The following CDK11A variants were observed in gnomAD, a reference collection of about 807,000 sequenced individuals.
CDK11A encodes cyclin-dependent kinase 11A.
In CDK11A, 55 loss-of-function variants were observed where a neutral mutation model predicts 83.6. That is an observed-to-expected ratio of 0.66 (90% CI 0.53 to 0.82). The LOEUF (loss-of-function observed/expected upper bound fraction) is 0.82, where lower values mean the gene tolerates loss of function less well. Among genes scored for constraint, CDK11A ranks in the 40% least tolerant of loss-of-function variants. The pLI is 0.00. For missense variants in CDK11A, 564 were observed against 810.1 expected (o/e 0.70, Z 3.69); for synonymous variants, 247 against 302.7 (o/e 0.82, Z 1.91).
Position 1,702,442 on chromosome 1 carries a change from C to G in CDK11A, c.*465G>C, listed in dbSNP as rs1187963652. ...TCAACAACCTTGTATAAAAACCTGT[C>G]GAGTCTGCTGGCACAGCTGGGGCTG... On this transcript the variant is annotated 3_prime_UTR_variant, in exon 20 of 20. Coordinates refer to ENST00000404249, the MANE Select transcript of CDK11A (RefSeq NM_024011.4). Among the ~76,000 whole-genome samples, 1 of 115,486 alleles carries G rather than the reference C, an allele frequency of 8.7e-6. No homozygotes were observed. The highest frequency in any genetic ancestry group is 3.0e-5 in the African/African-American group (1 of 33,754). 75.8% of individuals were successfully genotyped at this position (115,486 alleles called of 152,430 possible). A position where few individuals can be genotyped will look rare whatever the true frequency, so the allele number is the denominator to read the frequency against.
At chr1:1,710,351 A>AAAAC in intron 6 of CDK11A, among the ~76,000 whole-genome samples, 1 of 34,342 alleles carries the variant, frequency 2.9e-5, no homozygotes, top group Admixed American at 3.7e-4. Context: ...AAGAACATTA[A>AAAAC]AAACATCTGT....
chr1:1,703,758 C>A (rs1570367436), intron 17 of CDK11A, 66 bp downstream of exon 17: 1 of 1,588,112 alleles, frequency 6.3e-7, no homozygotes, highest in East Asian at 2.3e-5. Flanking sequence ...CACCTGTGCG[C>A]CCCGCAGCCC....
rs540105321 is a variant in CDK11A at position 1,721,690 on chromosome 1, G to A, written c.133C>T (p.Arg45Trp). 3.3e-5 allele frequency: 53 copies of A among 1,587,186 alleles called. 1 individual carries two copies. Among genetic ancestry groups the A allele is most frequent in the East Asian group, 6.7e-5 (3 of 44,692 alleles). The change falls in exon 3 of 20, where the codon CGG (arginine) becomes TGG (tryptophan). Residue 45 changes from arginine to tryptophan, a missense_variant. Arg to Trp is a moderately radical substitution (Grantham distance 101). Around this residue, in one of 5 missense-constraint regions of CDK11A, gnomAD observed 28 missense variants for 54.8 expected, o/e 0.51. Coordinates refer to ENST00000404249, the MANE Select transcript of CDK11A (RefSeq NM_024011.4). Reference sequence around the variant, plus strand: ...AGCTCCCCCTCCTCAAGGGAATCCCGCTTGGAATCCCGGTCATCAGACTAA... The same window carrying A: ...AGCTCCCCCTCCTCAAGGGAATCCCACTTGGAATCCCGGTCATCAGACTAA... The part of the protein sequence containing the change: ...LKNSDDRDSK[R>W]DSLEEGELRD...
At position 1,720,164 on chromosome 1, in the gene CDK11A, G is replaced by A. The variant is rs1260470577; in HGVS notation, c.228-709C>T. Among the ~76,000 whole-genome samples, 2 of 150,220 alleles carry A rather than the reference G, an allele frequency of 1.3e-5. 1 individual carries two copies. Among genetic ancestry groups the A allele is most frequent in the Non-Finnish European group, 3.0e-5 (2 of 67,476 alleles). ...GCTGGAGGGCAGTGGCGAGACTCTCGGCTCACTACAAGCTCTACCTCCTGG... is the reference window on the plus strand; with the variant it reads ...GCTGGAGGGCAGTGGCGAGACTCTCAGCTCACTACAAGCTCTACCTCCTGG... On this transcript the variant is annotated intron_variant, in intron 3 of 19. Transcript: ENST00000404249.
At position 1,702,577 on chromosome 1, in the gene CDK11A, T is replaced by G. The variant is rs2101138286; in HGVS notation, c.*330A>C. ...GAAACAGGTCTCCAGCTCCGAAGAT[T>G]AAACAATCCACCCGGCTCCCACCAG... On this transcript the variant is annotated 3_prime_UTR_variant, in exon 20 of 20. Transcript: ENST00000404249. Among the ~76,000 whole-genome samples, 1 of 125,610 alleles carries G rather than the reference T, an allele frequency of 8.0e-6. No homozygotes were observed. Among genetic ancestry groups the G allele is most frequent in the East Asian group, 2.5e-4 (1 of 4,060 alleles). The allele number at this position is 125,610 out of a possible 152,430, so 82.4% of individuals were successfully genotyped here. A position where few individuals can be genotyped will look rare whatever the true frequency, so the allele number is the denominator to read the frequency against.
chr1:1,715,931 C>T (rs1452904505), intron 5 of CDK11A, among the ~76,000 whole-genome samples: 1 of 150,770 alleles, frequency 6.6e-6, no homozygotes, highest in Non-Finnish European at 1.5e-5. Context: ...TTTGGGATCT[C>T]CCTTCTCCTT....
intron 3 of CDK11A, among the ~76,000 whole-genome samples, chr1:1,719,743 A>G (rs552661560): frequency 6.7e-6 from 1 of 149,686 alleles, no homozygotes; most frequent in Admixed American, 6.7e-5. Context: ...CAGCCTCCGG[A>G]GTAGCTGGGA....
At chr1:1,715,502 C>A (rs1042087183) in intron 5 of CDK11A, among the ~76,000 whole-genome samples, 1 of 149,070 alleles carries the variant, frequency 6.7e-6, no homozygotes, top group African/African-American at 2.5e-5. Flanking sequence ...ATGTTTCACA[C>A]ACTAACAGGA....
At chr1:1,715,987 C>CT (rs1382853745) in intron 5 of CDK11A, among the ~76,000 whole-genome samples, 1 of 150,884 alleles carries the variant, frequency 6.6e-6, no homozygotes, top group East Asian at 1.9e-4. Context: ...AGTGCAGTAG[C>CT]ATGGTCATAG....
At position 1,703,890 on chromosome 1, in the gene CDK11A, C is replaced by T. The variant is rs1231526221; in HGVS notation, c.1845G>A (p.Glu615=). 2 of 1,609,792 alleles carry T rather than the reference C, an allele frequency of 1.2e-6. No individual in the cohort carries two copies. Among genetic ancestry groups the T allele is most frequent in the South Asian group, 2.2e-5 (2 of 90,798 alleles). Residue 615 remains glutamate, a synonymous_variant, in exon 17 of 20, where the codon GAG becomes GAA. Transcript: ENST00000404249. ...DMWSVGCIFG[E]LLTQKPLFPG... is the part of the protein sequence containing the mutation. ...GGAACAGAGGCTTCTGAGTCAGCAG[C>T]TCCCCGAAGATGCAGCCCACTGACC...
In CDK11A at chr1:1,702,643, G is replaced by T; in HGVS notation, c.*264C>A. ...CGGCCCAGCCAGCCCCGTGCGTGTC[G>T]AGAGTGGGAGAGGGTGTGTGGAGGT... On this transcript the variant is annotated 3_prime_UTR_variant, in exon 20 of 20. Transcript: ENST00000404249. 2 of 547,200 alleles carry T rather than the reference G, an allele frequency of 3.7e-6. No homozygotes were observed. Among genetic ancestry groups the T allele is most frequent in the Non-Finnish European group, 6.6e-6 (2 of 301,450 alleles). The allele number at this position is 547,200 out of a possible 1,614,324, so 33.9% of individuals were successfully genotyped here.
At position 1,704,295 on chromosome 1, in the gene CDK11A, C is replaced by T. The variant is rs1644216581; in HGVS notation, c.1614G>A (p.Leu538=). 3 of 1,607,600 alleles carry T rather than the reference C, an allele frequency of 1.9e-6. No individual in the cohort carries two copies. Among genetic ancestry groups the T allele is most frequent in the African/African-American group, 2.7e-5 (2 of 74,390 alleles). Reference sequence around the variant, plus strand: ...CACGGTGCAGGATCCAGTTGTCGTGCAGGTGTTTCACCCCCCGCAGCAGCT... The same window carrying T: ...CACGGTGCAGGATCCAGTTGTCGTGTAGGTGTTTCACCCCCCGCAGCAGCT... ...MIQLLRGVKH[L]HDNWILHRDL... is the part of the protein sequence containing the mutation. The change falls in exon 15 of 20, where the codon CTG becomes CTA. Residue 538 remains leucine (L), a synonymous_variant. Coordinates refer to ENST00000404249, the MANE Select transcript of CDK11A (RefSeq NM_024011.4).
At chr1:1,721,946 T>C (rs1644921542) in intron 2 of CDK11A, 1 of 429,148 alleles carries the variant, frequency 2.3e-6, no homozygotes, top group African/African-American at 2.0e-5. Flanking sequence ...GGTCAGGACA[T>C]TAAGACCATC....
At chr1:1,717,224 A>T (rs1207406417) in intron 4 of CDK11A, among the ~76,000 whole-genome samples, 2 of 151,306 alleles carry the variant, frequency 1.3e-5, no homozygotes, top group African/African-American at 4.9e-5. Context: ...AACTATAATT[A>T]TCAGTTTTAT....
At chr1:1,720,336 A>G (rs1308238886) in intron 3 of CDK11A, among the ~76,000 whole-genome samples, 4 of 150,196 alleles carry the variant, frequency 2.7e-5, no homozygotes, top group Non-Finnish European at 4.4e-5. Flanking sequence ...TGACCTTGTG[A>G]TCTGCCCGCC....
At position 1,707,438 on chromosome 1, in the gene CDK11A, C is replaced by T; in HGVS notation, c.1216G>A (p.Glu406Lys). ...AGGGCCGGCAGGTACTTGGGCAGCT[C>T]CTGCTTGAGCTCGATGGGCAACAGG... ...PALLPIELKQ[E>K]LPKYLPALQG... The change falls in exon 11 of 20, where the codon GAG becomes AAG. Residue 406 changes from glutamate (E) to lysine (K), a missense_variant. Glu to Lys is a moderately conservative substitution (Grantham distance 56). Coordinates refer to ENST00000404249, the MANE Select transcript of CDK11A (RefSeq NM_024011.4). The T allele has an allele frequency of 6.2e-7, 1 of 1,607,884 alleles. No homozygotes were observed. Among genetic ancestry groups the T allele is most frequent in the Non-Finnish European group, 8.5e-7 (1 of 1,175,990 alleles).
At chr1:1,719,822 A>G (rs1348441239) in intron 3 of CDK11A, among the ~76,000 whole-genome samples, 1 of 150,622 alleles carries the variant, frequency 6.6e-6, no homozygotes, top group Admixed American at 6.7e-5. Flanking sequence ...TCACTGTGTT[A>G]GCCAAGATGG....
chr1:1,715,357 A>G (rs1292466261), intron 5 of CDK11A, among the ~76,000 whole-genome samples: 1 of 132,002 alleles, frequency 7.6e-6, no homozygotes, highest in African/African-American at 2.7e-5. Context: ...TTGTTCATTC[A>G]CTCTCCTGTC....
At chr1:1,720,052 T>TA (rs1288747709) in intron 3 of CDK11A, among the ~76,000 whole-genome samples, 1 of 151,022 alleles carries the variant, frequency 6.6e-6, no homozygotes, top group African/African-American at 2.4e-5. Context: ...CAGGGGCATG[T>TA]AAAAATACAT....
Sources: allele counts gnomAD v4.1 joint callset (sites outside exome capture counted in the v4.1 genomes callset), GRCh38; gene constraint gnomAD v4.1.1; regional missense constraint gnomAD v4.1.1; transcripts MANE v1.5; gene names NCBI Gene and HGNC (gene_info 2026-07-23, HGNC 2026-07-21).